The following STK31 variants were observed in gnomAD, a reference collection of about 807,000 sequenced individuals.
The protein encoded by STK31 is serine/threonine kinase 31.
A neutral mutation model predicts 129.7 loss-of-function variants in STK31; 89 were observed. That is an observed-to-expected ratio of 0.69 (90% CI 0.58 to 0.82). The LOEUF (loss-of-function observed/expected upper bound fraction) is 0.82, where lower values mean the gene tolerates loss of function less well. Ranked by LOEUF, STK31 falls within the 40% of genes least tolerant of loss-of-function variation. The pLI, the probability that STK31 is intolerant of heterozygous loss-of-function variation, is 0.00. For missense variants in STK31, 1,187 were observed against 1,176.4 expected (o/e 1.01, Z -0.13); for synonymous variants, 448 against 395.3 (o/e 1.13, Z -1.58).
chr7:23,730,878 A>ATATATATATATATATATATT, intron 6 of STK31, among the ~76,000 whole-genome samples: 2 of 59,534 alleles, frequency 3.4e-5, no homozygotes, highest in African/African-American at 5.8e-5. Context: ...ATATATATAT[A>ATATATATATATATATATATT]TTTTTTTTTT....
At chr7:23,784,967 A>G (rs573292037) in intron 17 of STK31, among the ~76,000 whole-genome samples, 1 of 151,968 alleles carries the variant, frequency 6.6e-6, no homozygotes, top group African/African-American at 2.4e-5. Context: ...ATTTTACCTT[A>G]TTTATTTTTT....
chr7:23,728,072 C>CTTTTTTTTTTTTTTTTTT (rs56355518), intron 5 of STK31, among the ~76,000 whole-genome samples: 1 of 68,290 alleles, frequency 1.5e-5, no homozygotes, highest in African/African-American at 6.5e-5. Flanking sequence ...TTGTGTTAAG[C>CTTTTTTTTTTTTTTTTTT]TTTTTTTTTT....
intron 11 of STK31, among the ~76,000 whole-genome samples, chr7:23,766,159 TCAAATA>T (rs1169251702): frequency 6.6e-6 from 1 of 152,240 alleles, no homozygotes; most frequent in Non-Finnish European, 1.5e-5. Context: ...CATTTCAATC[TCAAATA>T]CAAATAGTTG....
At chr7:23,730,816 G>A (rs1787358345) in intron 6 of STK31, among the ~76,000 whole-genome samples, 1 of 132,212 alleles carries the variant, frequency 7.6e-6, no homozygotes, top group African/African-American at 2.8e-5. Context: ...GTTTTTGTAT[G>A]TTTCAAAGAT....
chr7:23,791,451 C>G, intron 22 of STK31: 1 of 255,360 alleles, frequency 3.9e-6, no homozygotes, highest in Non-Finnish European at 6.1e-6. Flanking sequence ...AGAAGGGACA[C>G]TGGGGTCTAC....
At position 23,769,061 on chromosome 7, in the gene STK31, C is replaced by T. The variant is rs151049484; in HGVS notation, c.1483C>T (p.Leu495Phe). Residue 495 changes from leucine to phenylalanine, a missense_variant, in exon 12 of 24, where the codon CTT becomes TTT. Leu to Phe is a conservative substitution (Grantham distance 22, BLOSUM62 0). Transcript: ENST00000355870. Reference protein sequence around the residue: ...AKEGANSDEILKKFYDWKCDK... With the variant: ...AKEGANSDEIFKKFYDWKCDK... ...AGAAGGAGCAAATTCTGATGAAATACTTAAAAAATTTTATGACTGGAAGTG... is the reference window on the plus strand; with the variant it reads ...AGAAGGAGCAAATTCTGATGAAATATTTAAAAAATTTTATGACTGGAAGTG... 1.2e-6 allele frequency: 2 copies of T among 1,613,040 alleles called. No individual in the cohort carries two copies. Among genetic ancestry groups the T allele is most frequent in the Non-Finnish European group, 1.7e-6 (2 of 1,179,350 alleles).
intron 6 of STK31, among the ~76,000 whole-genome samples, chr7:23,733,044 AATTGATATAATAT>A (rs1178493390): frequency 5.6e-4 from 86 of 152,248 alleles, no homozygotes; most frequent in African/African-American, 1.9e-3. Context: ...ATACTGATAT[AATTGATATAATAT>A]ATTGATATAA....
At chr7:23,733,203 A>G (rs1277784857) in intron 6 of STK31, among the ~76,000 whole-genome samples, 2 of 152,080 alleles carry the variant, frequency 1.3e-5, no homozygotes, top group African/African-American at 4.8e-5. Context: ...TGAAAAATTT[A>G]TAAAACCTGT....
At chr7:23,812,572 G>A (rs900368186) in intron 22 of STK31, among the ~76,000 whole-genome samples, 1 of 151,560 alleles carries the variant, frequency 6.6e-6, no homozygotes, top group African/African-American at 2.4e-5. Context: ...TGTTACACAG[G>A]TATATTGTTT....
chr7:23,740,422 G>A (rs1242688700), intron 8 of STK31, among the ~76,000 whole-genome samples: 5 of 152,064 alleles, frequency 3.3e-5, no homozygotes, highest in Non-Finnish European at 7.4e-5. Flanking sequence ...ATTAATCTGT[G>A]ACCTAATGAT....
At chr7:23,829,711 T>C (rs1794427232) in intron 23 of STK31, among the ~76,000 whole-genome samples, 1 of 152,160 alleles carries the variant, frequency 6.6e-6, no homozygotes, top group Non-Finnish European at 1.5e-5. Context: ...TAATTGATGT[T>C]AGTTCTTTGA....
Position 23,796,264 on chromosome 7 carries a change from C to G in STK31, c.2760+5318C>G, listed in dbSNP as rs961528161. Among the ~76,000 whole-genome samples the G allele has an allele frequency of 2.0e-5, 3 of 152,212 alleles. No individual in the cohort carries two copies. In the South Asian group the frequency reaches 6.2e-4, roughly 32 times the overall value. On this transcript the variant is annotated intron_variant, in intron 22 of 23. Coordinates refer to ENST00000355870, the MANE Select transcript of STK31 (RefSeq NM_031414.5). ...TTAAAGTTGTCTGGTTTCATTGAAC[C>G]AGCACCCTCATGGAAATAAACTAGC...
intron 22 of STK31, among the ~76,000 whole-genome samples, chr7:23,807,353 G>T (rs1219426428): frequency 6.6e-6 from 1 of 151,994 alleles, no homozygotes; most frequent in Non-Finnish European, 1.5e-5. Flanking sequence ...TTTTCTTTTA[G>T]CATTTGGAAA....
rs539474283 is a variant in STK31, at chr7:23,752,812, G to A, written c.1113G>A (p.Met371Ile). 12 of 1,609,536 alleles carry A rather than the reference G, an allele frequency of 7.5e-6. No individual in the cohort carries two copies. In the South Asian group the frequency reaches 1.3e-4, roughly 18 times the overall value. ...DTRMKNLAAK[M>I]EILKEMRHVD... is the part of the protein sequence containing the mutation. ...GAATGAAAAATCTGGCAGCTAAGAT[G>A]GAAATACTGAAAGAAATGAGGTAGG... Residue 371 changes from methionine to isoleucine, a missense_variant, in exon 9 of 24, where the codon ATG (methionine) becomes ATA (isoleucine). Met to Ile is a conservative substitution (Grantham distance 10). This residue lies in a region of STK31 where 975 missense variants were observed against 934.9 expected (regional missense o/e 1.04). Transcript: ENST00000355870.
At chr7:23,830,746 A>T (rs1164186399) in intron 23 of STK31, among the ~76,000 whole-genome samples, 2 of 151,990 alleles carry the variant, frequency 1.3e-5, no homozygotes, top group African/African-American at 2.4e-5. Flanking sequence ...CAGCCTCTTG[A>T]GTAGCTGAGA....
chr7:23,767,021 A>G (rs16873450), intron 11 of STK31, among the ~76,000 whole-genome samples: 84,205 of 152,106 alleles, frequency 0.55, 23,580 homozygotes, highest in East Asian at 0.61. Context: ...AATCCATTGC[A>G]TTTTGTATGT....
intron 3 of STK31, among the ~76,000 whole-genome samples, chr7:23,712,797 C>G (rs2128058796): frequency 6.6e-6 from 1 of 152,140 alleles, no homozygotes; most frequent in Non-Finnish European, 1.5e-5. Context: ...GTTTTAAATA[C>G]AAAGCAAGCA....
chr7:23,716,103 A>G (rs977338718), intron 3 of STK31, among the ~76,000 whole-genome samples: 3 of 152,176 alleles, frequency 2.0e-5, no homozygotes, highest in Non-Finnish European at 4.4e-5. Context: ...AGGATCCAAT[A>G]CAGAATCCCA....
Position 23,807,642 on chromosome 7 carries a change from CTTTCT to C in STK31, c.2761-7501_2761-7497del, listed in dbSNP as rs1334043310. ...CTCAAATGCATTTTAGCCCCCCACC[CTTTCT>C]CCTCTTTTTCTAGGACTCTGATTAT... is the stretch of plus-strand genomic sequence containing the variant. On this transcript the variant is annotated intron_variant, in intron 22 of 23. Transcript: ENST00000355870. 3.1e-3 allele frequency among the ~76,000 whole-genome samples: 475 copies of C among 152,112 alleles called. 4 individuals carry two copies. The highest frequency in any genetic ancestry group is 0.01 in the African/African-American group (432 of 41,526).
Sources: allele counts gnomAD v4.1 joint callset (sites outside exome capture counted in the v4.1 genomes callset), GRCh38; gene constraint gnomAD v4.1.1; regional missense constraint gnomAD v4.1.1; transcripts MANE v1.5; gene names NCBI Gene and HGNC (gene_info 2026-07-23, HGNC 2026-07-21).